Variants in SNTG2 observed in about 807,000 individuals in gnomAD.
The protein encoded by SNTG2 is gamma-2-syntrophin.
A neutral mutation model predicts 70.9 loss-of-function variants in SNTG2; 74 were observed. That is an observed-to-expected ratio of 1.04 (90% CI 0.86 to 1.27). The LOEUF is 1.27. Ranked by LOEUF, SNTG2 falls within the 50% of genes most tolerant of loss-of-function variation. The pLI is 0.00. For synonymous variants in SNTG2, 278 were observed against 273.8 expected (o/e 1.02, Z -0.15); for missense variants, 717 against 690.7 (o/e 1.04, Z -0.43).
At chr2:1,140,995 C>T (rs1225051842) in intron 6 of SNTG2, among the ~76,000 whole-genome samples, 1 of 152,158 alleles carries the variant, frequency 6.6e-6, no homozygotes, top group East Asian at 1.9e-4. Flanking sequence ...TTGAACTTAA[C>T]TGTTAGAAAT....
rs1281114378 is a variant in SNTG2, at chr2:1,083,489, T to G, written c.73-29T>G. The G allele has an allele frequency of 2.5e-6, 4 of 1,612,654 alleles. No individual in the cohort carries two copies. The African/African-American group carries it at 5.3e-5, about 22-fold the overall frequency. On this transcript the variant is annotated intron_variant, in intron 1 of 16. Coordinates refer to ENST00000308624, the MANE Select transcript of SNTG2 (RefSeq NM_018968.4). Reference sequence around the variant, plus strand: ...CCCCTGGCTCCTGCCCTCACACCATTTTTTTGTGTTTCCACTTTGTCCCTA... The same window carrying G: ...CCCCTGGCTCCTGCCCTCACACCATGTTTTTGTGTTTCCACTTTGTCCCTA...
At chr2:1,034,776 A>C (rs1447461211) in intron 1 of SNTG2, among the ~76,000 whole-genome samples, 1 of 152,212 alleles carries the variant, frequency 6.6e-6, no homozygotes, top group Admixed American at 6.5e-5. Flanking sequence ...TAATAATGGG[A>C]GACTTCAACA....
chr2:1,043,171 T>A (rs1661537024), intron 1 of SNTG2, among the ~76,000 whole-genome samples: 1 of 152,228 alleles, frequency 6.6e-6, no homozygotes, highest in African/African-American at 2.4e-5. Context: ...TACGTCTTTT[T>A]TTGAGAAGTG....
At chr2:1,338,924 C>A (rs1659949065) in intron 16 of SNTG2, among the ~76,000 whole-genome samples, 2 of 152,136 alleles carry the variant, frequency 1.3e-5, no homozygotes, top group Admixed American at 1.3e-4. Context: ...ATTTAACTTT[C>A]TTATGGAACT....
At chr2:1,188,060 T>C (rs376742499) in intron 8 of SNTG2, among the ~76,000 whole-genome samples, 19 of 152,248 alleles carry the variant, frequency 1.2e-4, no homozygotes, top group African/African-American at 4.1e-4. Context: ...GTTAGCTTTA[T>C]AAACTAATGC....
intron 1 of SNTG2, among the ~76,000 whole-genome samples, chr2:1,076,121 A>G (rs1467486591): frequency 2.0e-5 from 3 of 152,240 alleles, no homozygotes; most frequent in African/African-American, 7.2e-5. Context: ...AATGCCAGTT[A>G]TACCACCAGT....
At chr2:1,221,805 CTCTCTCTCGGTCTCTG>C (rs1558550938) in intron 9 of SNTG2, among the ~76,000 whole-genome samples, 3 of 27,496 alleles carry the variant, frequency 1.1e-4, no homozygotes, top group Admixed American at 4.5e-4. Context: ...CTGTCTCTGT[CTCTCTCTCGGTCTCTG>C]TCTCTCTCTG....
At chr2:999,027 T>C (rs998720574) in intron 1 of SNTG2, among the ~76,000 whole-genome samples, 3 of 152,106 alleles carry the variant, frequency 2.0e-5, no homozygotes, top group Admixed American at 6.5e-5. Context: ...CAACCACAAA[T>C]TTTATATCTT....
At chr2:1,200,193 G>T (rs190885793) in intron 8 of SNTG2, among the ~76,000 whole-genome samples, 8 of 151,866 alleles carry the variant, frequency 5.3e-5, no homozygotes, top group Admixed American at 5.2e-4. Context: ...AAATATAACA[G>T]AAAACATAGA....
chr2:1,076,619 A>G (rs772811963), intron 1 of SNTG2, among the ~76,000 whole-genome samples: 5 of 152,220 alleles, frequency 3.3e-5, no homozygotes, highest in South Asian at 2.1e-4. Flanking sequence ...TCAGTGTGCT[A>G]TGCTTCCAAC....
Position 1,259,351 on chromosome 2 carries a change from C to T in SNTG2, c.1006-19C>T, listed in dbSNP as rs761569097. On this transcript the variant is annotated intron_variant, in intron 12 of 16. Coordinates refer to ENST00000308624, the MANE Select transcript of SNTG2 (RefSeq NM_018968.4). ...AAGTAGCATGCTGCTTTTCATGGAA[C>T]GTTCTCTGTTTCTTGCAGGTGAGCA... 132 of 1,612,698 alleles carry T rather than the reference C, an allele frequency of 8.2e-5. No homozygotes were observed. Among genetic ancestry groups the T allele is most frequent in the Non-Finnish European group, 1.1e-4 (126 of 1,179,158 alleles).
At chr2:1,346,414 C>G (rs1039653058) in intron 16 of SNTG2, 5 of 152,418 alleles carry the variant, frequency 3.3e-5, no homozygotes, top group African/African-American at 1.2e-4. Context: ...GTCTCAGTCC[C>G]CATCTCCAGC....
intron 14 of SNTG2, among the ~76,000 whole-genome samples, chr2:1,276,298 AT>A (rs1679262358): frequency 6.6e-6 from 1 of 152,134 alleles, no homozygotes; most frequent in African/African-American, 2.4e-5. Flanking sequence ...GACAAACGTC[AT>A]TGCCTGACTT....
chr2:1,166,604 G>T, intron 7 of SNTG2, among the ~76,000 whole-genome samples: 1 of 152,216 alleles, frequency 6.6e-6, no homozygotes, highest in Middle Eastern at 3.2e-3. Flanking sequence ...TACAGGAGGG[G>T]GGCAGGGAAG....
chr2:1,303,517 A>G (rs1680544521), intron 14 of SNTG2, among the ~76,000 whole-genome samples: 1 of 152,250 alleles, frequency 6.6e-6, no homozygotes, highest in Non-Finnish European at 1.5e-5. Flanking sequence ...CGGCATTAAC[A>G]GCATGCATTC....
chr2:1,322,634 T>G (rs1228775690), intron 16 of SNTG2, among the ~76,000 whole-genome samples: 1 of 152,056 alleles, frequency 6.6e-6, no homozygotes, highest in Non-Finnish European at 1.5e-5. Context: ...TCTCTCTCAC[T>G]CTGTCTCTCT....
Position 976,664 on chromosome 2 carries a change from G to A in SNTG2, c.72+25596G>A, listed in dbSNP as rs959861925. Among the ~76,000 whole-genome samples the A allele has an allele frequency of 3.9e-5, 6 of 152,170 alleles. No homozygotes were observed. The East Asian group carries it at 9.6e-4, about 24-fold the overall frequency. On this transcript the variant is annotated intron_variant, in intron 1 of 16. Transcript: ENST00000308624. ...ACCCATTTCGGAACACATCAGTGAT[G>A]AGTGTTGTTCAGTAATGTCATCCCT...
At chr2:955,352 TTA>T in intron 1 of SNTG2, among the ~76,000 whole-genome samples, 1 of 152,362 alleles carries the variant, frequency 6.6e-6, no homozygotes, top group South Asian at 2.1e-4. Flanking sequence ...AATCGTGTTA[TTA>T]TAAAAACAAT....
chr2:1,122,746 A>G (rs1359235649), intron 4 of SNTG2, among the ~76,000 whole-genome samples: 1 of 150,266 alleles, frequency 6.7e-6, no homozygotes, highest in Non-Finnish European at 1.5e-5. Flanking sequence ...AAAAAAAGGC[A>G]TCCGAATAAG....
Sources: gnomAD v4.1 joint callset for allele counts (sites outside exome capture counted in the v4.1 genomes callset) on GRCh38, gnomAD v4.1.1 for gene constraint, MANE v1.5 for transcripts, NCBI Gene and HGNC (gene_info 2026-07-23, HGNC 2026-07-21) for gene names.